Variants in TADA3 observed in about 807,000 individuals in gnomAD.
The protein encoded by TADA3 is transcriptional adaptor 3.
In TADA3, 25 loss-of-function variants were observed where a neutral mutation model predicts 43.2. The ratio of observed to expected loss-of-function variants is 0.58; its 90% confidence interval spans 0.42 to 0.81. The LOEUF is 0.81. Among genes scored for constraint, TADA3 ranks in the 30% least tolerant of loss-of-function variants. The pLI, the probability that TADA3 is intolerant of heterozygous loss-of-function variation, is 0.00. For synonymous variants in TADA3, 235 were observed against 225.5 expected (o/e 1.04, Z -0.38); for missense variants, 441 against 567.8 (o/e 0.78, Z 2.27).
chr3:9,789,384 G>A, intron 4 of TADA3, 125 bp downstream of exon 4: 1 of 832,368 alleles, frequency 1.2e-6, no homozygotes, highest in Non-Finnish European at 1.9e-6. Context: ...GGCACTGATG[G>A]AGCAGACAGC....
intron 1 of TADA3, among the ~76,000 whole-genome samples, chr3:9,791,774 G>A (rs890604205): frequency 6.6e-6 from 1 of 152,246 alleles, no homozygotes; most frequent in African/African-American, 2.4e-5. Flanking sequence ...GGGTGGGTAT[G>A]TGCCTATGCT....
intron 4 of TADA3, among the ~76,000 whole-genome samples, chr3:9,788,658 G>C (rs889965899): frequency 2.6e-5 from 4 of 151,792 alleles, no homozygotes; most frequent in African/African-American, 9.7e-5. Context: ...TCCTGGCTCA[G>C]CCTCCCGAGT....
intron 4 of TADA3, chr3:9,787,827 G>C (rs1426762476): frequency 1.7e-5 from 13 of 751,262 alleles, no homozygotes; most frequent in Admixed American, 4.8e-5. Context: ...TGGGGAATCT[G>C]AAAGAGTGCT....
chr3:9,782,319 G>C (rs1015690987), intron 8 of TADA3, among the ~76,000 whole-genome samples: 2 of 152,126 alleles, frequency 1.3e-5, no homozygotes, highest in African/African-American at 4.8e-5. Flanking sequence ...GCTGTTTATT[G>C]ACTGTGTGAC....
intron 8 of TADA3, among the ~76,000 whole-genome samples, chr3:9,780,837 C>T (rs1411243918): frequency 1.3e-5 from 2 of 152,166 alleles, no homozygotes; most frequent in East Asian, 3.8e-4. Context: ...CTTAAAACTG[C>T]TCTAGAAGAA....
upstream of TADA3, chr3:9,792,691 C>T: frequency 1.6e-6 from 2 of 1,233,314 alleles, no homozygotes; most frequent in Non-Finnish European, 2.0e-6. Flanking sequence ...CCCCGCCGAG[C>T]GCCAGGAGCT....
intron 8 of TADA3, among the ~76,000 whole-genome samples, chr3:9,780,818 T>A (rs1285181283): frequency 6.6e-6 from 1 of 152,202 alleles, no homozygotes; most frequent in East Asian, 1.9e-4. Context: ...CTCTCAATTT[T>A]GTTGTGAACT....
intron 8 of TADA3, chr3:9,781,407 T>C (rs2078460821): frequency 2.3e-6 from 1 of 428,610 alleles, no homozygotes; most frequent in African/African-American, 2.0e-5. Context: ...ATGTTACCCG[T>C]GAGGAAAATG....
rs766224671 is a variant in TADA3 at position 9,787,072 on chromosome 3, A to C, written c.744T>G (p.His248Gln). ...AGGGGCATCCATCTTCCGGCTGTTC[A>C]TGCTGGGCCTCAGACTTCTTCAGCA... ...DALLKKSEAQ[H>Q]EQPEDGCPFG... Residue 248 changes from histidine (H) to glutamine (Q), a missense_variant, in exon 6 of 9, where the codon CAT (histidine) becomes CAG (glutamine). Physicochemically the swap from His to Gln is conservative, Grantham distance 24. Transcript: ENST00000301964. 2 of 1,614,092 alleles carry C rather than the reference A, an allele frequency of 1.2e-6. No homozygotes were observed. Among genetic ancestry groups the C allele is most frequent in the African/African-American group, 2.7e-5 (2 of 74,926 alleles).
chr3:9,780,439 C>A lies in TADA3; in HGVS notation c.1217G>T (p.Arg406Leu). ...GTCCTTTTCTTTCTTGGTGGGAGTC[C>A]GCTTCTTCTGCCGGGCAGCCATGAT... ...RKIMAARQKK[R>L]TPTKKEKDQA... The change falls in exon 9 of 9, where the codon CGG (arginine) becomes CTG (leucine). Residue 406 changes from arginine to leucine, a missense_variant. Coordinates refer to ENST00000301964, the MANE Select transcript of TADA3 (RefSeq NM_006354.5). 1 of 1,612,396 alleles carries A rather than the reference C, an allele frequency of 6.2e-7. No homozygotes were observed. The highest frequency in any genetic ancestry group is 8.5e-7 in the Non-Finnish European group (1 of 1,179,768).
chr3:9,784,915 GTAT>G (rs1017826267), intron 7 of TADA3, among the ~76,000 whole-genome samples: 4 of 151,512 alleles, frequency 2.6e-5, no homozygotes, highest in Admixed American at 2.6e-4. Context: ...AGTAAAAATA[GTAT>G]TATACCATCC....
chr3:9,787,531 CA>C, intron 4 of TADA3, 191 bp from the exon 5 acceptor site: 2 of 1,003,488 alleles, frequency 2.0e-6, no homozygotes, highest in Non-Finnish European at 2.8e-6. Flanking sequence ...GAGACAGGTC[CA>C]AAAAGAACTA....
At position 9,789,455 on chromosome 3, in the gene TADA3, C is replaced by A. The variant is rs913943861; in HGVS notation, c.564+54G>T. 10 of 1,511,756 alleles carry A rather than the reference C, an allele frequency of 6.6e-6. No homozygotes were observed. In the African/African-American group the frequency reaches 1.2e-4, roughly 19 times the overall value. 93.6% of individuals were successfully genotyped at this position (1,511,756 alleles called of 1,614,324 possible). ...GGCTTTGGTAGCTTTACTTCTCAGG[C>A]ACCTCTGAACTCTCTTGTTCCGCAT... On this transcript the variant is annotated intron_variant, in intron 4 of 8. Coordinates refer to ENST00000301964, the MANE Select transcript of TADA3 (RefSeq NM_006354.5).
chr3:9,789,574 T>C lies in TADA3; in HGVS notation c.499A>G (p.Ser167Gly), dbSNP rs1025727523. 4 of 1,614,092 alleles carry C rather than the reference T, an allele frequency of 2.5e-6. No homozygotes were observed. Among genetic ancestry groups the C allele is most frequent in the Non-Finnish European group, 3.4e-6 (4 of 1,180,048 alleles). The change falls in exon 4 of 9, where the codon AGC becomes GGC. Residue 167 changes from serine (S) to glycine (G), a missense_variant. Physicochemically the swap from Ser to Gly is moderately conservative, Grantham distance 56 (BLOSUM62 0). Transcript: ENST00000301964. Reference protein sequence around the residue: ...SVEPYCADITSEEVRTLEELL... With the variant: ...SVEPYCADITGEEVRTLEELL... ...TCCTCAAGTGTGCGGACCTCCTCGC[T>C]GGTGATGTCAGCACAGTAGGGCTCC...
rs538979516 is a variant in TADA3, at chr3:9,785,581, C to T, written c.811-156G>A. On this transcript the variant is annotated intron_variant, in intron 6 of 8. Coordinates refer to ENST00000301964, the MANE Select transcript of TADA3 (RefSeq NM_006354.5). The stretch of plus-strand genomic sequence containing the variant: ...GCCTTCCCATACCAATCCCAAATTG[C>T]TTTGATCATTCTAGAAATCCCTTTT... 6.6e-4 allele frequency among the ~76,000 whole-genome samples: 101 copies of T among 152,342 alleles called. 1 individual carries two copies. The highest frequency in any genetic ancestry group is 5.9e-4 in the Non-Finnish European group (40 of 68,032).
At chr3:9,791,568 A>G (rs2078734632) in intron 1 of TADA3, 75 bp from the exon 2 acceptor site, 2 of 869,814 alleles carry the variant, frequency 2.3e-6, no homozygotes, top group East Asian at 2.7e-5. Context: ...CTCCAGGGAC[A>G]GCCTCAAGGA....
chr3:9,783,957 C>T, intron 8 of TADA3, 71 bp downstream of exon 8: 1 of 1,518,896 alleles, frequency 6.6e-7, no homozygotes, highest in East Asian at 2.4e-5. Context: ...TGTAAAACCC[C>T]TGAAAGGTGA....
At position 9,787,044 on chromosome 3, in the gene TADA3, C is replaced by G; in HGVS notation, c.772G>C (p.Gly258Arg). The G allele has an allele frequency of 6.2e-7, 1 of 1,614,196 alleles. No homozygotes were observed. Among genetic ancestry groups the G allele is most frequent in the Non-Finnish European group, 8.5e-7 (1 of 1,180,044 alleles). The part of the protein sequence containing the change: ...HEQPEDGCPF[G>R]ALTQRLLQAL... ...TGCAGGAGGCGCTGCGTCAGGGCAC[C>G]AAAGGGGCATCCATCTTCCGGCTGT... The change falls in exon 6 of 9, where the codon GGT (glycine) becomes CGT (arginine). Residue 258 changes from glycine (G) to arginine (R), a missense_variant. Transcript: ENST00000301964.
intron 8 of TADA3, 79 bp from the exon 9 acceptor site, chr3:9,780,628 C>T (rs1261878966): frequency 1.4e-6 from 2 of 1,432,418 alleles, no homozygotes; most frequent in Admixed American, 2.3e-5. Context: ...ACCGAGCCTA[C>T]CCACCAGCCC....
Sources: gnomAD v4.1 joint callset for allele counts (sites outside exome capture counted in the v4.1 genomes callset) on GRCh38, gnomAD v4.1.1 for gene constraint, MANE v1.5 for transcripts, NCBI Gene and HGNC (gene_info 2026-07-23, HGNC 2026-07-21) for gene names.